The following IQUB variants were observed in gnomAD, a reference collection of about 807,000 sequenced individuals.
IQUB encodes the protein IQ motif and ubiquitin domain containing.
IQUB carries 86 observed loss-of-function variants against 86.4 expected under a neutral mutation model. That is an observed-to-expected ratio of 1.00 (90% confidence interval 0.84 to 1.19). IQUB has a LOEUF of 1.19. Ranked by LOEUF, IQUB falls within the 50% of genes most tolerant of loss-of-function variation. The probability of loss-of-function intolerance (pLI) is 0.00; values close to 1 mark genes in which losing one functional copy is unlikely to be tolerated. For missense variants in IQUB, 946 were observed against 916.9 expected (o/e 1.03, Z -0.41); for synonymous variants, 289 against 304.5 (o/e 0.95, Z 0.53).
chr7:123,473,740 T>TA (rs1217760499), intron 8 of IQUB, among the ~76,000 whole-genome samples: 1 of 138,712 alleles, frequency 7.2e-6, no homozygotes, highest in African/African-American at 2.5e-5. Flanking sequence ...AATGCCCGGC[T>TA]AATTTTTTTT....
At chr7:123,503,456 T>A in intron 3 of IQUB, 93 bp from the exon 4 acceptor site, 1 of 700,492 alleles carries the variant, frequency 1.4e-6, no homozygotes, top group Non-Finnish European at 2.4e-6. Context: ...AAATAAAAAT[T>A]GTATATATTG....
At chr7:123,500,281 G>T (rs1342133590) in intron 6 of IQUB, among the ~76,000 whole-genome samples, 3 of 152,012 alleles carry the variant, frequency 2.0e-5, no homozygotes, top group Non-Finnish European at 2.9e-5. Flanking sequence ...ACCCTCTCTT[G>T]GGGTCTGGAT....
intron 6 of IQUB, among the ~76,000 whole-genome samples, chr7:123,499,214 G>GA (rs1795838344): frequency 6.6e-6 from 1 of 151,968 alleles, no homozygotes; most frequent in Non-Finnish European, 1.5e-5. Flanking sequence ...GGGTTCAAGT[G>GA]ATTCTCATGC....
chr7:123,490,225 G>T (rs1292576269), intron 7 of IQUB, among the ~76,000 whole-genome samples: 1 of 151,998 alleles, frequency 6.6e-6, no homozygotes, highest in Non-Finnish European at 1.5e-5. Flanking sequence ...AACTAACAGT[G>T]ATCAAAAGGA....
chr7:123,480,377 T>C lies in IQUB; in HGVS notation c.1235-407A>G, dbSNP rs190246084. ...CAGCATTTCAGATCTGCTGCCTTGT[T>C]GAAGCTGAGGTCACACTCTGCCTAC... On this transcript the variant is annotated intron_variant, in intron 7 of 12. Transcript: ENST00000324698. 3.3e-5 allele frequency among the ~76,000 whole-genome samples: 5 copies of C among 152,246 alleles called. No homozygotes were observed. The East Asian group carries it at 9.7e-4, about 29-fold the overall frequency.
intron 9 of IQUB, among the ~76,000 whole-genome samples, chr7:123,467,700 C>T (rs1026197444): frequency 2.6e-5 from 4 of 152,094 alleles, no homozygotes; most frequent in Non-Finnish European, 5.9e-5. Flanking sequence ...GATTTCTTGA[C>T]CTGTGGAGTA....
At chr7:123,470,557 AGAAT>A (rs1180323484) in intron 8 of IQUB, among the ~76,000 whole-genome samples, 1 of 152,210 alleles carries the variant, frequency 6.6e-6, no homozygotes, top group Admixed American at 6.5e-5. Context: ...AACTGTATTT[AGAAT>A]GACAGTAGGC....
chr7:123,526,644 C>T (rs1797226738), intron 1 of IQUB, among the ~76,000 whole-genome samples: 1 of 151,264 alleles, frequency 6.6e-6, no homozygotes. Flanking sequence ...GGTCTTGACT[C>T]TTTATCCAAT....
chr7:123,506,246 CT>C (rs1796171381), intron 3 of IQUB, among the ~76,000 whole-genome samples: 1 of 152,192 alleles, frequency 6.6e-6, no homozygotes, highest in African/African-American at 2.4e-5. Context: ...AAGCTCCAAA[CT>C]TTCCCTCATC....
intron 7 of IQUB, among the ~76,000 whole-genome samples, chr7:123,493,520 C>G (rs577979873): frequency 2.7e-4 from 41 of 152,104 alleles, no homozygotes; most frequent in Non-Finnish European, 4.9e-4. Context: ...AGGGTGATAG[C>G]ACCCTCCAGA....
At chr7:123,486,820 G>C (rs1584590802) in intron 7 of IQUB, among the ~76,000 whole-genome samples, 1 of 152,140 alleles carries the variant, frequency 6.6e-6, no homozygotes, top group Non-Finnish European at 1.5e-5. Context: ...CTGGGCTTTG[G>C]AGTAGTCCTT....
intron 6 of IQUB, 52 bp from the exon 7 acceptor site, chr7:123,496,958 C>A: frequency 8.5e-7 from 1 of 1,173,872 alleles, no homozygotes; most frequent in South Asian, 1.5e-5. Flanking sequence ...ACTTTTTGAT[C>A]AGACAATAAA....
At chr7:123,486,376 A>T (rs1324019308) in intron 7 of IQUB, among the ~76,000 whole-genome samples, 2 of 152,120 alleles carry the variant, frequency 1.3e-5, no homozygotes, top group African/African-American at 4.8e-5. Context: ...CTTCCCTAAC[A>T]ACTTCTCAAT....
intron 10 of IQUB, among the ~76,000 whole-genome samples, chr7:123,462,471 G>A (rs760899651): frequency 1.3e-5 from 2 of 151,550 alleles, no homozygotes; most frequent in African/African-American, 2.4e-5. Context: ...TCTACTCTGC[G>A]TTACTTTTCC....
chr7:123,500,207 A>T (rs1795880774), intron 6 of IQUB, among the ~76,000 whole-genome samples: 1 of 152,222 alleles, frequency 6.6e-6, no homozygotes, highest in African/African-American at 2.4e-5. Context: ...TACTTTCTTA[A>T]TAAACTTGCT....
At chr7:123,457,040 T>A (rs891708612) in intron 12 of IQUB, 5 of 318,278 alleles carry the variant, frequency 1.6e-5, no homozygotes, top group African/African-American at 1.1e-4. Flanking sequence ...TAAACTCCAT[T>A]CTGTGACAGG....
chr7:123,524,424 CT>C (rs980132764), intron 1 of IQUB, among the ~76,000 whole-genome samples: 1 of 151,068 alleles, frequency 6.6e-6, no homozygotes, highest in African/African-American at 2.4e-5. Context: ...CTTCATATCC[CT>C]TGTAAGTTGG....
chr7:123,521,711 TTGTA>T (rs1321830242), intron 1 of IQUB, among the ~76,000 whole-genome samples: 1 of 149,836 alleles, frequency 6.7e-6, no homozygotes, highest in African/African-American at 2.5e-5. Context: ...AACCTGTAGA[TTGTA>T]TGTATAGTAG....
chr7:123,480,962 A>G (rs976172786), intron 7 of IQUB, among the ~76,000 whole-genome samples: 6 of 152,146 alleles, frequency 3.9e-5, no homozygotes, highest in African/African-American at 1.2e-4. Context: ...CAAGTTTTCC[A>G]TTTAATTTTT....
Sources: gnomAD v4.1 joint callset for allele counts (sites outside exome capture counted in the v4.1 genomes callset) on GRCh38, gnomAD v4.1.1 for gene constraint, MANE v1.5 for transcripts, NCBI Gene and HGNC (gene_info 2026-07-23, HGNC 2026-07-21) for gene names.